Variants in CSNK2A1 observed in about 807,000 individuals in gnomAD.
The protein encoded by CSNK2A1 is casein kinase 2 alpha 1, also known as casein kinase II subunit alpha.
Under a neutral mutation model 62.9 loss-of-function variants are expected in CSNK2A1, and 10 were observed. That is an observed-to-expected ratio of 0.16 (90% CI 0.10 to 0.27). The LOEUF is 0.27. Among genes scored for constraint, CSNK2A1 ranks in the 10% least tolerant of loss-of-function variants. CSNK2A1 has a pLI of 1.00. For synonymous variants in CSNK2A1, 124 were observed against 167.8 expected (o/e 0.74, Z 2.02); for missense variants, 160 against 492.0 (o/e 0.33, Z 6.38).
rs1054207603 is a variant in CSNK2A1, at chr20:488,609, G to T, written c.824+69C>A. ...GCAAAGAAAACATAACTATTTTGAA[G>T]ATCCTAAGTGCCAGTTCACTCTCAA... On this transcript the variant is annotated intron_variant, in intron 11 of 13. Coordinates refer to ENST00000217244, the MANE Select transcript of CSNK2A1 (RefSeq NM_177559.3). 2.1e-6 allele frequency: 3 copies of T among 1,447,280 alleles called. No individual in the cohort carries two copies. The Admixed American group carries it at 5.4e-5, about 26-fold the overall frequency. 89.7% of individuals were successfully genotyped at this position (1,447,280 alleles called of 1,614,324 possible). A position where few individuals can be genotyped will look rare whatever the true frequency, so the allele number is the denominator to read the frequency against.
At chr20:538,972 CAAT>C in intron 1 of CSNK2A1, among the ~76,000 whole-genome samples, 1 of 152,276 alleles carries the variant, frequency 6.6e-6, no homozygotes, top group East Asian at 1.9e-4. Context: ...CATCTAAGGA[CAAT>C]AATAATATTC....
At chr20:502,889 G>C (rs1198667473) in intron 4 of CSNK2A1, 1 of 151,916 alleles carries the variant, frequency 6.6e-6, no homozygotes, top group Non-Finnish European at 1.5e-5. Flanking sequence ...GCACTCTACA[G>C]CCTGCTTCCC....
rs563595913 is a variant in CSNK2A1 at position 508,857 on chromosome 20, AT to A, written c.-109-198del. ...ATCCCAAGAAATACAGTAAACTGAT[AT>A]TTGCTTTAATCATATTTTGCCAAAT... is the stretch of plus-strand genomic sequence containing the variant. On this transcript the variant is annotated intron_variant, in intron 2 of 13. Transcript: ENST00000217244. 3.5e-3 allele frequency among the ~76,000 whole-genome samples: 533 copies of A among 152,300 alleles called. 7 individuals carry two copies. The highest frequency in any genetic ancestry group is 0.012 in the African/African-American group (516 of 41,574).
chr20:520,321 A>G (rs2018918441), intron 2 of CSNK2A1, among the ~76,000 whole-genome samples: 1 of 152,210 alleles, frequency 6.6e-6, no homozygotes, highest in Non-Finnish European at 1.5e-5. Flanking sequence ...AACTGATCTT[A>G]AACTTATTAC....
At chr20:534,907 G>A (rs1171160316) in intron 1 of CSNK2A1, among the ~76,000 whole-genome samples, 1 of 150,940 alleles carries the variant, frequency 6.6e-6, no homozygotes, top group East Asian at 1.9e-4. Context: ...GGCAGCGTGC[G>A]CCTGTAGTCC....
intron 3 of CSNK2A1, chr20:507,934 T>G (rs1306757238): frequency 1.3e-5 from 2 of 152,376 alleles, no homozygotes; most frequent in Admixed American, 6.5e-5. Context: ...TACACAAACC[T>G]ACATGGTATG....
rs148496503 is a variant in CSNK2A1 at position 499,805 on chromosome 20, G to A, written c.315+28C>T. On this transcript the variant is annotated intron_variant, in intron 5 of 13. Transcript: ENST00000217244. The surrounding 1 kb of genome is among the most constrained non-coding windows in gnomAD (Gnocchi z 4.2). ...GGTCAAACACCATCTCAGCTCTGGC[G>A]GGCCTTGCTAACACCTACTATACTC... is the stretch of plus-strand genomic sequence containing the variant. The A allele has an allele frequency of 9.6e-4, 1,538 of 1,605,064 alleles. 16 individuals carry two copies. The African/African-American group carries it at 0.018, about 18-fold the overall frequency.
chr20:484,462 T>C (rs912724513), intron 13 of CSNK2A1, among the ~76,000 whole-genome samples: 1 of 152,206 alleles, frequency 6.6e-6, no homozygotes, highest in East Asian at 1.9e-4. Context: ...GAACTACATT[T>C]TAAATTTTAT....
chr20:528,986 C>T (rs981819971), intron 1 of CSNK2A1, among the ~76,000 whole-genome samples: 5 of 152,200 alleles, frequency 3.3e-5, no homozygotes, highest in African/African-American at 9.6e-5. Context: ...CAGTCAACTG[C>T]AGTCTGAAAA....
chr20:513,545 G>T (rs534818240), intron 2 of CSNK2A1, among the ~76,000 whole-genome samples: 1 of 152,238 alleles, frequency 6.6e-6, no homozygotes, highest in South Asian at 2.1e-4. Context: ...GCCACTGAGG[G>T]CTAACTCCCA....
intron 2 of CSNK2A1, among the ~76,000 whole-genome samples, chr20:511,111 G>C (rs552541477): frequency 6.6e-6 from 1 of 152,132 alleles, no homozygotes; most frequent in East Asian, 1.9e-4. Context: ...GGCTTAAGAG[G>C]GTGGATCGCT....
At chr20:524,626 A>AG (rs1414147977) in intron 2 of CSNK2A1, among the ~76,000 whole-genome samples, 1 of 90,474 alleles carries the variant, frequency 1.1e-5, no homozygotes, top group African/African-American at 7.0e-5. Context: ...GCTACTCAGG[A>AG]GGCTGAGGCT....
At position 508,646 on chromosome 20, in the gene CSNK2A1, C is replaced by A. The variant is rs1362883423; in HGVS notation, c.-95G>T. 3 of 1,222,402 alleles carry A rather than the reference C, an allele frequency of 2.5e-6. No individual in the cohort carries two copies. Among genetic ancestry groups the A allele is most frequent in the Admixed American group, 4.7e-5 (2 of 42,766 alleles). 75.7% of individuals were successfully genotyped at this position (1,222,402 alleles called of 1,614,324 possible). A position where few individuals can be genotyped will look rare whatever the true frequency, so the allele number is the denominator to read the frequency against. ...GCTGGGGGTAAGACCTTGTTTCAGACCTGTTTTCTTCAAACTGCAGAAACA... is the reference window on the plus strand; with the variant it reads ...GCTGGGGGTAAGACCTTGTTTCAGAACTGTTTTCTTCAAACTGCAGAAACA... On this transcript the variant is annotated 5_prime_UTR_variant, in exon 3 of 14. Transcript: ENST00000217244.
At chr20:525,705 G>C (rs1335095329) in intron 2 of CSNK2A1, among the ~76,000 whole-genome samples, 1 of 150,532 alleles carries the variant, frequency 6.6e-6, no homozygotes, top group Non-Finnish European at 1.5e-5. Flanking sequence ...GTGCACAGTG[G>C]CTAATGCCTG....
At chr20:541,535 A>G (rs763457432) in intron 1 of CSNK2A1, among the ~76,000 whole-genome samples, 9 of 152,224 alleles carry the variant, frequency 5.9e-5, no homozygotes, top group Non-Finnish European at 1.3e-4. Flanking sequence ...ACAAAGATGT[A>G]TGTTCAGAGA....
rs1363769537 is a variant in CSNK2A1 at position 505,078 on chromosome 20, C to T, written c.213+40G>A. 4 of 1,518,948 alleles carry T rather than the reference C, an allele frequency of 2.6e-6. No homozygotes were observed. In the African/African-American group the frequency reaches 5.6e-5, roughly 21 times the overall value. 94.1% of individuals were successfully genotyped at this position (1,518,948 alleles called of 1,614,324 possible). On this transcript the variant is annotated intron_variant, in intron 4 of 13. Coordinates refer to ENST00000217244, the MANE Select transcript of CSNK2A1 (RefSeq NM_177559.3). The stretch of plus-strand genomic sequence containing the variant: ...AGTCTTCAAAACTACTTTTAAAAAT[C>T]TATATTCCAAATACCTCTGAAATTA...
chr20:503,764 T>C lies in CSNK2A1; in HGVS notation c.213+1354A>G, dbSNP rs117428484. 932 of 398,344 alleles carry C rather than the reference T, an allele frequency of 2.3e-3. 8 individuals are homozygous for C. The East Asian group carries it at 0.026, about 11-fold the overall frequency. The allele number at this position is 398,344 out of a possible 1,614,324, so 24.7% of individuals were successfully genotyped here. ...ACCAATGACAACATTTGAAAAGCTA[T>C]GCAGCAACAGGTCTACATAACCCAA... On this transcript the variant is annotated intron_variant, in intron 4 of 13. Transcript: ENST00000217244.
chr20:505,351 GTTTTTT>G (rs746624346), intron 3 of CSNK2A1, 122 bp from the exon 4 acceptor site: 129 of 235,992 alleles, frequency 5.5e-4, no homozygotes, highest in East Asian at 7.0e-4. Flanking sequence ...TCCCAAATAG[GTTTTTT>G]TTTTTTTTTT....
intron 12 of CSNK2A1, 58 bp downstream of exon 12, chr20:487,355 GCTGGGATTACGACT>G: frequency 6.3e-7 from 1 of 1,590,736 alleles, no homozygotes; most frequent in Non-Finnish European, 8.6e-7. Context: ...GCTGACAGGA[GCTGGGATTACGACT>G]CTGTTCTATA....
Sources: gnomAD v4.1 joint callset for allele counts (sites outside exome capture counted in the v4.1 genomes callset) on GRCh38, gnomAD v4.1.1 for gene constraint, Gnocchi (gnomAD v3.1) non-coding constraint, MANE v1.5 for transcripts, NCBI Gene and HGNC (gene_info 2026-07-23, HGNC 2026-07-21) for gene names.